The following SERINC5 variants were observed in gnomAD, a reference collection of about 807,000 sequenced individuals.
SERINC5 encodes the protein serine incorporator 5.
A neutral mutation model predicts 63.1 loss-of-function variants in SERINC5; 41 were observed. The ratio of observed to expected loss-of-function variants is 0.65; its 90% CI spans 0.51 to 0.84. The LOEUF is 0.84. Among genes scored for constraint, SERINC5 ranks in the 40% least tolerant of loss-of-function variants. The probability of loss-of-function intolerance (pLI) is 0.00; values close to 1 mark genes in which losing one functional copy is unlikely to be tolerated. For synonymous variants in SERINC5, 222 were observed against 215.2 expected, an observed-to-expected ratio of 1.03 and a Z score of -0.28; for missense variants, 523 against 573.0, an observed-to-expected ratio of 0.91 and a Z score of 0.89.
intron 2 of SERINC5, among the ~76,000 whole-genome samples, chr5:80,182,676 G>A (rs1285279506): frequency 6.6e-6 from 1 of 151,746 alleles, no homozygotes; most frequent in African/African-American, 2.4e-5. Context: ...CTCCAGAGTA[G>A]CTGGGATTAC....
chr5:80,255,390 G>A (rs923194941), intron 1 of SERINC5, among the ~76,000 whole-genome samples: 5 of 152,078 alleles, frequency 3.3e-5, no homozygotes, highest in Non-Finnish European at 7.4e-5. Flanking sequence ...CAGGCTTCGA[G>A]ACATTCTCAA....
downstream of SERINC5, among the ~76,000 whole-genome samples, chr5:80,135,653 G>C (rs76814039): frequency 0.015 from 2,224 of 152,174 alleles, 55 homozygotes; most frequent in African/African-American, 0.051. Context: ...GATGGACGTG[G>C]CAACATGGAA....
chr5:80,230,459 A>AAAAAG lies in SERINC5; in HGVS notation c.27+25436_27+25437insCTTTT, dbSNP rs70982042. ...CAAGACTGTCACAAAAAAAAAAAAA[A>AAAAAG]AAAGAAACCATTGCTCTTCAAATTT... On this transcript the variant is annotated intron_variant, in intron 1 of 11. Transcript: ENST00000507668. Among the ~76,000 whole-genome samples, 10 of 128,630 alleles carry AAAAAG rather than the reference A, an allele frequency of 7.8e-5. 2 individuals are homozygous for AAAAAG. The highest frequency in any genetic ancestry group is 1.9e-4 in the African/African-American group (6 of 31,974). The allele number at this position is 128,630 out of a possible 152,430, so 84.4% of individuals were successfully genotyped here.
intron 2 of SERINC5, among the ~76,000 whole-genome samples, chr5:80,193,896 C>G (rs1214520486): frequency 6.6e-6 from 1 of 152,134 alleles, no homozygotes; most frequent in African/African-American, 2.4e-5. Flanking sequence ...ACATATGTCT[C>G]CAGAGTCATC....
intron 2 of SERINC5, among the ~76,000 whole-genome samples, chr5:80,193,838 A>G (rs2112466702): frequency 6.6e-6 from 1 of 152,324 alleles, no homozygotes; most frequent in Non-Finnish European, 1.5e-5. Context: ...TTTCTCTCAC[A>G]TGTTATCTCC....
chr5:80,229,021 C>CTTTTTTTTTT (rs1166636996), intron 1 of SERINC5, among the ~76,000 whole-genome samples: 1 of 86,056 alleles, frequency 1.2e-5, no homozygotes, highest in Non-Finnish European at 2.3e-5. Flanking sequence ...TTTTACATAC[C>CTTTTTTTTTT]TTTTTTTTTT....
At chr5:80,148,572 G>A (rs1054896108) in intron 9 of SERINC5, among the ~76,000 whole-genome samples, 29 of 151,980 alleles carry the variant, frequency 1.9e-4, no homozygotes, top group Non-Finnish European at 3.7e-4. Flanking sequence ...GGAGACTGAG[G>A]GAGGAAGACT....
At chr5:80,249,740 T>C (rs1752320055) in intron 1 of SERINC5, among the ~76,000 whole-genome samples, 3 of 151,996 alleles carry the variant, frequency 2.0e-5, no homozygotes, top group Admixed American at 2.0e-4. Flanking sequence ...AGGCGGAGGT[T>C]GCAGTGAGCC....
chr5:80,186,990 TACCA>T (rs1187552584), intron 2 of SERINC5, among the ~76,000 whole-genome samples: 2 of 151,944 alleles, frequency 1.3e-5, no homozygotes, highest in African/African-American at 4.8e-5. Flanking sequence ...ACTCCATCTC[TACCA>T]AAAATACCTA....
intron 7 of SERINC5, among the ~76,000 whole-genome samples, chr5:80,165,056 T>A (rs1747198785): frequency 6.6e-6 from 1 of 151,904 alleles, no homozygotes; most frequent in South Asian, 2.1e-4. Flanking sequence ...TTTTTCTGTT[T>A]TAAAGGGATA....
intron 2 of SERINC5, among the ~76,000 whole-genome samples, chr5:80,182,993 C>T (rs1367298620): frequency 6.6e-6 from 1 of 152,210 alleles, no homozygotes; most frequent in Non-Finnish European, 1.5e-5. Flanking sequence ...GGGCCAGGTG[C>T]ATGCCAGACT....
At position 80,143,265 on chromosome 5, in the gene SERINC5, TG is replaced by T. The variant is rs2112293004; in HGVS notation, c.*397del. 5.0e-6 allele frequency: 5 copies of T among 1,002,258 alleles called. No individual in the cohort carries two copies. Among genetic ancestry groups the T allele is most frequent in the Non-Finnish European group, 6.0e-6 (5 of 840,222 alleles). 62.1% of individuals were successfully genotyped at this position (1,002,258 alleles called of 1,614,324 possible). A position where few individuals can be genotyped will look rare whatever the true frequency, so the allele number is the denominator to read the frequency against. On this transcript the variant is annotated 3_prime_UTR_variant, in exon 12 of 12. Transcript: ENST00000507668. ...GAGGGGTCTGGATTCTGTTAGGCGC[TG>T]GGGACTCAAGATTTTGGCATGTTTT...
chr5:80,171,319 T>C (rs1002758387), intron 5 of SERINC5, among the ~76,000 whole-genome samples: 7 of 152,076 alleles, frequency 4.6e-5, no homozygotes, highest in Non-Finnish European at 1.5e-5. Flanking sequence ...AAATGTTTGA[T>C]AATAATAATA....
At chr5:80,191,419 G>A (rs1749172284) in intron 2 of SERINC5, among the ~76,000 whole-genome samples, 1 of 142,328 alleles carries the variant, frequency 7.0e-6, no homozygotes, top group African/African-American at 2.6e-5. Context: ...CAGGAGGATC[G>A]TTGCTTTGAG....
At chr5:80,158,405 A>C (rs1425644315) in intron 8 of SERINC5, 8 of 174,512 alleles carry the variant, frequency 4.6e-5, no homozygotes, top group Non-Finnish European at 7.4e-5. Context: ...CATCAACAGC[A>C]GAAGAAAGCT....
chr5:80,181,931 C>T (rs1748455754), intron 2 of SERINC5, among the ~76,000 whole-genome samples: 2 of 152,338 alleles, frequency 1.3e-5, no homozygotes, highest in South Asian at 4.1e-4. Context: ...TTATTGCTCT[C>T]CCTGGACTAC....
chr5:80,173,540 G>T (rs937338539), intron 5 of SERINC5, among the ~76,000 whole-genome samples: 1 of 152,178 alleles, frequency 6.6e-6, no homozygotes, highest in African/African-American at 2.4e-5. Context: ...AGCTTGCAGT[G>T]AGCCGAGATT....
chr5:80,236,051 C>G (rs1751673096), intron 1 of SERINC5, among the ~76,000 whole-genome samples: 1 of 151,994 alleles, frequency 6.6e-6, no homozygotes, highest in South Asian at 2.1e-4. Context: ...CGGTTAAATA[C>G]TGGATCTACA....
At position 80,158,826 on chromosome 5, in the gene SERINC5, C is replaced by G; in HGVS notation, c.986+10G>C. 6.2e-7 allele frequency: 1 copy of G among 1,612,336 alleles called. No individual in the cohort carries two copies. The highest frequency in any genetic ancestry group is 8.5e-7 in the Non-Finnish European group (1 of 1,179,534). ...TGCAAAAGTGACCTTGAGTAACTCCCAAGACTTACCATGAATACAAGATAC... is the reference window on the plus strand; with the variant it reads ...TGCAAAAGTGACCTTGAGTAACTCCGAAGACTTACCATGAATACAAGATAC... On this transcript the variant is annotated intron_variant, in intron 8 of 11. Coordinates refer to ENST00000507668, the MANE Select transcript of SERINC5 (RefSeq NM_001174072.3).
Sources: allele counts gnomAD v4.1 joint callset (sites outside exome capture counted in the v4.1 genomes callset), GRCh38; gene constraint gnomAD v4.1.1; transcripts MANE v1.5; gene names NCBI Gene and HGNC (gene_info 2026-07-23, HGNC 2026-07-21).